TIMM23: variants seen among roughly 807,000 people sequenced by gnomAD.
TIMM23 encodes mitochondrial import inner membrane translocase subunit Tim23.
In TIMM23, 19 loss-of-function variants were observed where a neutral mutation model predicts 30.7. That is an observed-to-expected ratio of 0.62 (90% CI 0.43 to 0.91). The LOEUF is 0.91. Ranked by LOEUF, TIMM23 falls within the 40% of genes least tolerant of loss-of-function variation. TIMM23 has a pLI of 0.00. For missense variants in TIMM23, 202 were observed against 269.2 expected (o/e 0.75, Z 1.75); for synonymous variants, 78 against 98.5 (o/e 0.79, Z 1.23).
intron 5 of TIMM23, among the ~76,000 whole-genome samples, chr10:45,987,913 C>T (rs1838044122): frequency 6.6e-6 from 1 of 152,076 alleles, no homozygotes; most frequent in African/African-American, 2.4e-5. Flanking sequence ...CTTTGTGAGC[C>T]ACCACACCTG....
Position 45,994,254 on chromosome 10 carries a change from A to G in TIMM23, c.514+5407A>G, listed in dbSNP as rs1330746454. Among the ~76,000 whole-genome samples the G allele has an allele frequency of 1.0e-3, 157 of 152,026 alleles. 2 individuals carry two copies. In the East Asian group the frequency reaches 0.013, roughly 12 times the overall value. On this transcript the variant is annotated intron_variant, in intron 6 of 6. Transcript: ENST00000580018. ...CTTGGGAGGCTGAGAGAGGAGAATC[A>G]CTTGAACCCAGGAGATGGTGGTTGC...
intron 6 of TIMM23, among the ~76,000 whole-genome samples, chr10:45,998,030 G>A (rs1465101912): frequency 6.6e-6 from 1 of 152,166 alleles, no homozygotes; most frequent in Admixed American, 6.5e-5. Context: ...AGGTAAGGCT[G>A]TTCCTATAGA....
intron 3 of TIMM23, 113 bp from the exon 4 acceptor site, chr10:45,982,733 C>G: frequency 6.4e-7 from 1 of 1,558,896 alleles, no homozygotes; most frequent in Non-Finnish European, 8.7e-7. Flanking sequence ...TTACATTTGT[C>G]TTTTTCTATT....
In TIMM23 at chr10:45,979,053, C is replaced by T. The variant is rs1245929216; in HGVS notation, c.166-3470C>T. On this transcript the variant is annotated intron_variant, in intron 2 of 6. Transcript: ENST00000580018. ...ACAAGAGACCACATATTGTGTGGTTCCATTTATATGGAATGTCCAGAATAG... is the reference window on the plus strand; with the variant it reads ...ACAAGAGACCACATATTGTGTGGTTTCATTTATATGGAATGTCCAGAATAG... 2.8e-4 allele frequency among the ~76,000 whole-genome samples: 42 copies of T among 152,078 alleles called. 1 individual carries two copies. Among genetic ancestry groups the T allele is most frequent in the African/African-American group, 8.9e-4 (37 of 41,390 alleles).
At chr10:45,975,638 C>G (rs1410961493) in intron 2 of TIMM23, 126 bp downstream of exon 2, 3 of 1,234,488 alleles carry the variant, frequency 2.4e-6, no homozygotes, top group South Asian at 1.3e-5. Flanking sequence ...TCCATTCACC[C>G]TTTTTTCCTC....
At chr10:46,000,378 C>T (rs373123297) in intron 6 of TIMM23, among the ~76,000 whole-genome samples, 28 of 152,338 alleles carry the variant, frequency 1.8e-4, no homozygotes, top group East Asian at 1.4e-3. Flanking sequence ...CCGGTCCCTC[C>T]GTTTGGGGTC....
At chr10:45,999,850 CA>C (rs1838468391) in intron 6 of TIMM23, among the ~76,000 whole-genome samples, 1 of 152,120 alleles carries the variant, frequency 6.6e-6, no homozygotes, top group African/African-American at 2.4e-5. Flanking sequence ...TGGCCACACC[CA>C]GGGGGGCCAT....
rs1220039066 is a variant in TIMM23 at position 45,993,127 on chromosome 10, A to G, written c.514+4280A>G. On this transcript the variant is annotated intron_variant, in intron 6 of 6. Transcript: ENST00000580018. ...CACATACATTTTAGTTGTAGGATAA[A>G]TTGCTAAAAATTAAGTTACTTGAGC... is the stretch of plus-strand genomic sequence containing the variant. Among the ~76,000 whole-genome samples, 34 of 152,226 alleles carry G rather than the reference A, an allele frequency of 2.2e-4. 1 individual carries two copies. In the East Asian group the frequency reaches 5.6e-3, roughly 25 times the overall value.
chr10:45,996,968 C>CAAAAAAAAAAAA (rs1172844294), intron 6 of TIMM23, among the ~76,000 whole-genome samples: 1 of 112,508 alleles, frequency 8.9e-6, no homozygotes, highest in Non-Finnish European at 1.9e-5. Context: ...CTGTGTCAAA[C>CAAAAAAAAAAAA]AAAAAAAAAA....
At chr10:45,979,013 TGAAA>T (rs1306243607) in intron 2 of TIMM23, among the ~76,000 whole-genome samples, 3 of 152,316 alleles carry the variant, frequency 2.0e-5, no homozygotes, top group Non-Finnish European at 1.5e-5. Context: ...ACTTCCTAAA[TGAAA>T]GAAACCAGTC....
chr10:45,978,737 A>G (rs1837750481), intron 2 of TIMM23, among the ~76,000 whole-genome samples: 1 of 152,116 alleles, frequency 6.6e-6, no homozygotes, highest in Admixed American at 6.6e-5. Flanking sequence ...GCAGTTTCTC[A>G]AAGTGTTAAA....
chr10:45,994,854 T>TA (rs1264740881), intron 6 of TIMM23, among the ~76,000 whole-genome samples: 22 of 152,278 alleles, frequency 1.4e-4, no homozygotes, highest in African/African-American at 4.3e-4. Flanking sequence ...GTGCTATACT[T>TA]AGAGTGCCTA....
rs1428586669 is a variant in TIMM23, at chr10:45,980,486, A to C, written c.166-2037A>C. On this transcript the variant is annotated intron_variant, in intron 2 of 6. Transcript: ENST00000580018. Reference sequence around the variant, plus strand: ...TGTATCCTTATTGATTTTTTTTTTTAAATTGTGTCAAGTAATAAATTTTTT... The same window carrying C: ...TGTATCCTTATTGATTTTTTTTTTTCAATTGTGTCAAGTAATAAATTTTTT... Among the ~76,000 whole-genome samples the C allele has an allele frequency of 2.5e-3, 376 of 151,376 alleles. 18 individuals carry two copies. In the South Asian group the frequency reaches 0.075, roughly 30 times the overall value.
chr10:45,984,965 A>T (rs1310637341), intron 4 of TIMM23, among the ~76,000 whole-genome samples: 4 of 152,120 alleles, frequency 2.6e-5, no homozygotes, highest in Admixed American at 2.6e-4. Context: ...TTCCCCTCCC[A>T]AAAAGAACCT....
intron 6 of TIMM23, among the ~76,000 whole-genome samples, chr10:46,001,247 G>T (rs1838524372): frequency 6.6e-6 from 1 of 152,180 alleles, no homozygotes; most frequent in Admixed American, 6.5e-5. Context: ...TGTGCCTACA[G>T]TCTGAATATG....
At chr10:45,999,499 G>A (rs1179089408) in intron 6 of TIMM23, among the ~76,000 whole-genome samples, 4 of 151,988 alleles carry the variant, frequency 2.6e-5, no homozygotes, top group Non-Finnish European at 4.4e-5. Flanking sequence ...CCCACAAGCC[G>A]CAAAAACCAG....
intron 6 of TIMM23, among the ~76,000 whole-genome samples, chr10:45,997,136 A>G (rs1214494727): frequency 6.6e-6 from 1 of 152,028 alleles, no homozygotes; most frequent in Non-Finnish European, 1.5e-5. Context: ...TGGGAAGATC[A>G]CTTGAGCTTG....
intron 2 of TIMM23, among the ~76,000 whole-genome samples, chr10:45,975,783 G>A (rs1478916943): frequency 1.4e-4 from 21 of 152,266 alleles, no homozygotes; most frequent in African/African-American, 4.8e-4. Flanking sequence ...GTTACAAAGT[G>A]TGTGGGGTTT....
intron 2 of TIMM23, among the ~76,000 whole-genome samples, chr10:45,977,446 G>A (rs1837707842): frequency 6.6e-6 from 1 of 152,198 alleles, no homozygotes; most frequent in South Asian, 2.1e-4. Flanking sequence ...CAGCAAGGAT[G>A]CCAAGATAGT....
Sources: allele counts gnomAD v4.1 joint callset (sites outside exome capture counted in the v4.1 genomes callset), GRCh38; gene constraint gnomAD v4.1.1; transcripts MANE v1.5; gene names NCBI Gene and HGNC (gene_info 2026-07-23, HGNC 2026-07-21).